The following SLC25A25 variants were observed in gnomAD, a reference collection of about 807,000 sequenced individuals.
SLC25A25 encodes mitochondrial adenyl nucleotide antiporter SLC25A25.
SLC25A25 carries 32 observed loss-of-function variants against 57.7 expected under a neutral mutation model. That is an observed-to-expected ratio of 0.55 (90% CI 0.42 to 0.74). The LOEUF is 0.74. Ranked by LOEUF, SLC25A25 falls within the 30% of genes least tolerant of loss-of-function variation. The pLI, the probability that SLC25A25 is intolerant of heterozygous loss-of-function variation, is 0.00. For synonymous variants in SLC25A25, 306 were observed against 291.2 expected, an observed-to-expected ratio of 1.05 and a Z score of -0.52; for missense variants, 556 against 701.3, an observed-to-expected ratio of 0.79 and a Z score of 2.34.
chr9:128,108,079 T>C lies in SLC25A25; in HGVS notation c.*635T>C, dbSNP rs1834125195. On this transcript the variant is annotated 3_prime_UTR_variant, in exon 11 of 11. Coordinates refer to ENST00000373069, the MANE Select transcript of SLC25A25 (RefSeq NM_001330988.2). ...TGCTGATGGCTGGGGCTCTCGGGCA[T>C]GCTTGGGAGTGCAGGGGGCTCGGGC... The C allele has an allele frequency of 2.5e-6, 1 of 399,218 alleles. No homozygotes were observed. Among genetic ancestry groups the C allele is most frequent in the African/African-American group, 2.1e-5 (1 of 48,770 alleles). The allele number at this position is 399,218 out of a possible 1,614,324, so 24.7% of individuals were successfully genotyped here. A position where few individuals can be genotyped will look rare whatever the true frequency, so the allele number is the denominator to read the frequency against.
chr9:128,098,504 G>C (rs948947594), intron 1 of SLC25A25: 1 of 1,553,006 alleles, frequency 6.4e-7, no homozygotes, highest in Non-Finnish European at 8.7e-7. Context: ...TCCCGGGACC[G>C]GCAGCATTTA....
intron 1 of SLC25A25, among the ~76,000 whole-genome samples, chr9:128,092,935 A>G (rs1441319516): frequency 6.6e-6 from 1 of 152,202 alleles, no homozygotes; most frequent in African/African-American, 2.4e-5. Flanking sequence ...GGAAATTGCC[A>G]CTTGGCTCAG....
intron 1 of SLC25A25, among the ~76,000 whole-genome samples, chr9:128,093,617 C>T (rs908238885): frequency 6.6e-6 from 1 of 152,158 alleles, no homozygotes; most frequent in Non-Finnish European, 1.5e-5. Context: ...TGGGGGAGCC[C>T]CAAGTGGGAT....
At chr9:128,084,858 C>T (rs950237509) in intron 1 of SLC25A25, among the ~76,000 whole-genome samples, 5 of 152,186 alleles carry the variant, frequency 3.3e-5, no homozygotes, top group Non-Finnish European at 4.4e-5. Flanking sequence ...CAGGTATTAA[C>T]CTCCTCTTAA....
chr9:128,094,443 G>A (rs924691878), intron 1 of SLC25A25: 3 of 152,196 alleles, frequency 2.0e-5, no homozygotes, highest in Admixed American at 1.3e-4. Flanking sequence ...TATTGTGTGT[G>A]TAACTGCCAA....
At chr9:128,071,557 C>T (rs568495317) in intron 1 of SLC25A25, among the ~76,000 whole-genome samples, 2 of 133,046 alleles carry the variant, frequency 1.5e-5, no homozygotes, top group East Asian at 2.2e-4. Flanking sequence ...CGCACCACCA[C>T]GCCCTGCTAA....
chr9:128,071,312 A>G lies in SLC25A25; in HGVS notation c.261+2732A>G, dbSNP rs570471862. On this transcript the variant is annotated intron_variant, in intron 1 of 10. Transcript: ENST00000373069. ...GGTCACTTTGACTCTAAAATCTTTG[A>G]CTCCATGACAGATCTAAGTTCTATG... 1.1e-4 allele frequency among the ~76,000 whole-genome samples: 16 copies of G among 152,002 alleles called. No individual in the cohort carries two copies. In the East Asian group the frequency reaches 3.1e-3, roughly 29 times the overall value.
intron 9 of SLC25A25, 108 bp downstream of exon 9, chr9:128,106,628 T>C: frequency 7.5e-7 from 1 of 1,331,522 alleles, no homozygotes; most frequent in East Asian, 2.4e-5. Context: ...CATCAAAGAC[T>C]GCGCCTCCTT....
chr9:128,087,312 G>GTGCA (rs1833300253), intron 1 of SLC25A25, among the ~76,000 whole-genome samples: 1 of 151,656 alleles, frequency 6.6e-6, no homozygotes, highest in Non-Finnish European at 1.5e-5. Flanking sequence ...TCTGGAGTGC[G>GTGCA]GTGCAGTGAC....
intron 1 of SLC25A25, among the ~76,000 whole-genome samples, chr9:128,092,448 C>T (rs1462679104): frequency 2.0e-5 from 3 of 152,146 alleles, no homozygotes; most frequent in African/African-American, 7.2e-5. Flanking sequence ...GCTAAAGGGG[C>T]GAGAGAGTGT....
intron 1 of SLC25A25, chr9:128,098,420 T>G (rs1833632644): frequency 4.3e-6 from 6 of 1,383,644 alleles, no homozygotes; most frequent in Non-Finnish European, 5.6e-6. Context: ...GGCTTTTTTC[T>G]TTTTTCAATT....
chr9:128,091,560 T>A (rs116192359), intron 1 of SLC25A25: 412,475 of 937,762 alleles, frequency 0.44, 28,738 homozygotes, highest in East Asian at 0.63. Context: ...TTTTTTTTTT[T>A]TAAAAAAAAG....
At position 128,102,161 on chromosome 9, in the gene SLC25A25, C is replaced by T; in HGVS notation, c.512+46C>T. On this transcript the variant is annotated intron_variant, in intron 4 of 10. Transcript: ENST00000373069. This position sits in a 1 kb window ranked among gnomAD's most constrained non-coding sequence, Gnocchi z 4.1. Reference sequence around the variant, plus strand: ...TGACTGCCTCCCTTGACTTCCATGCCTGATCAGAGCGGGATTCTTGTGGGC... The same window carrying T: ...TGACTGCCTCCCTTGACTTCCATGCTTGATCAGAGCGGGATTCTTGTGGGC... The T allele has an allele frequency of 6.5e-7, 1 of 1,547,760 alleles. No individual in the cohort carries two copies. The highest frequency in any genetic ancestry group is 8.7e-7 in the Non-Finnish European group (1 of 1,144,414).
rs1454936297 is a variant in SLC25A25, at chr9:128,079,621, A to T, written c.261+11041A>T. 7.8e-3 allele frequency among the ~76,000 whole-genome samples: 1,171 copies of T among 150,230 alleles called. 38 individuals carry two copies. The highest frequency in any genetic ancestry group is 0.028 in the African/African-American group (1,125 of 40,604). On this transcript the variant is annotated intron_variant, in intron 1 of 10. Coordinates refer to ENST00000373069, the MANE Select transcript of SLC25A25 (RefSeq NM_001330988.2). ...AAAAATACAAAAAAAAAAAAAAAAAAAAAAAATTAGCCGGGCCTGGTGGCG... is the reference window on the plus strand; with the variant it reads ...AAAAATACAAAAAAAAAAAAAAAAATAAAAAATTAGCCGGGCCTGGTGGCG...
intron 1 of SLC25A25, among the ~76,000 whole-genome samples, chr9:128,080,250 CAA>C (rs67092008): frequency 2.1e-5 from 3 of 140,810 alleles, no homozygotes; most frequent in East Asian, 2.1e-4. Context: ...AACAAAAAAA[CAA>C]AAAAAAAACC....
At position 128,107,014 on chromosome 9, in the gene SLC25A25, C is replaced by A; in HGVS notation, c.1213-15C>A. 1 of 1,612,144 alleles carries A rather than the reference C, an allele frequency of 6.2e-7. No homozygotes were observed. The highest frequency in any genetic ancestry group is 8.5e-7 in the Non-Finnish European group (1 of 1,178,568). ...CCCTTCCTAGGGCTTATCCCATGCT[C>A]CCTTCTCCTTCTAGACGCTCAAGAA... On this transcript the variant is annotated splice_polypyrimidine_tract_variant and intron_variant, in intron 9 of 10. Coordinates refer to ENST00000373069, the MANE Select transcript of SLC25A25 (RefSeq NM_001330988.2).
intron 1 of SLC25A25, among the ~76,000 whole-genome samples, chr9:128,093,465 C>T (rs1477341298): frequency 1.3e-5 from 2 of 152,162 alleles, no homozygotes; most frequent in East Asian, 1.9e-4. Flanking sequence ...ATACAGTACC[C>T]CCTTGCCAGC....
At chr9:128,105,626 G>A in intron 6 of SLC25A25, 103 bp from the exon 7 acceptor site, 1 of 1,554,368 alleles carries the variant, frequency 6.4e-7, no homozygotes. Context: ...GGAAGAAAGG[G>A]CCTTCCCTTT....
intron 1 of SLC25A25, among the ~76,000 whole-genome samples, chr9:128,090,543 G>T (rs1833378329): frequency 6.6e-6 from 1 of 151,802 alleles, no homozygotes. Context: ...ATGCGCGGTG[G>T]CTCGCTCCTG....
Sources: gnomAD v4.1 joint callset for allele counts (sites outside exome capture counted in the v4.1 genomes callset) on GRCh38, gnomAD v4.1.1 for gene constraint, Gnocchi (gnomAD v3.1) non-coding constraint, MANE v1.5 for transcripts, NCBI Gene and HGNC (gene_info 2026-07-23, HGNC 2026-07-21) for gene names.